Variants in SOS1 observed in about 807,000 individuals in gnomAD.
SOS1 encodes SOS Ras/Rac guanine nucleotide exchange factor 1.
A neutral mutation model predicts 157.6 loss-of-function variants in SOS1; 25 were observed. That is an observed-to-expected ratio of 0.16 (90% CI 0.12 to 0.22). SOS1 has a LOEUF of 0.22. Among genes scored for constraint, SOS1 ranks in the 10% least tolerant of loss-of-function variants. The pLI is 1.00. For missense variants in SOS1, 1,237 were observed against 1,599.1 expected, an observed-to-expected ratio of 0.77 and a Z score of 3.86; for synonymous variants, 528 against 534.0, an observed-to-expected ratio of 0.99 and a Z score of 0.16.
chr2:39,123,987 C>A (rs1488806636), upstream of SOS1, among the ~76,000 whole-genome samples: 2 of 152,192 alleles, frequency 1.3e-5, no homozygotes, highest in Non-Finnish European at 2.9e-5. Flanking sequence ...GCTTGCTTAG[C>A]GGCCAGGGCA....
intron 1 of SOS1, among the ~76,000 whole-genome samples, chr2:39,110,515 T>G (rs1246132164): frequency 6.6e-6 from 1 of 151,654 alleles, no homozygotes; most frequent in African/African-American, 2.4e-5. Flanking sequence ...CTAGGCATAC[T>G]GCCTATGGCA....
intron 1 of SOS1, among the ~76,000 whole-genome samples, chr2:39,117,570 T>C (rs1673700387): frequency 6.6e-6 from 1 of 152,192 alleles, no homozygotes; most frequent in Non-Finnish European, 1.5e-5. Flanking sequence ...TCAATTGCTG[T>C]TAATTCTATG....
At chr2:39,013,768 T>C in intron 12 of SOS1, 99 bp downstream of exon 12, 1 of 1,043,186 alleles carries the variant, frequency 9.6e-7, no homozygotes, top group African/African-American at 1.6e-5. Flanking sequence ...ACTAATTTTA[T>C]TGTCACCCCT....
intron 1 of SOS1, among the ~76,000 whole-genome samples, chr2:39,119,390 A>C (rs571903303): frequency 5.3e-5 from 8 of 152,334 alleles, no homozygotes; most frequent in African/African-American, 1.9e-4. Context: ...GCCTTTGAGA[A>C]ATATCAGACA....
In SOS1 at chr2:39,093,772, A is replaced by G. The variant is rs114174538; in HGVS notation, c.88-26019T>C. 3.6e-3 allele frequency among the ~76,000 whole-genome samples: 554 copies of G among 152,292 alleles called. 5 individuals carry two copies. Among genetic ancestry groups the G allele is most frequent in the African/African-American group, 0.013 (522 of 41,562 alleles). ...TGACTTTTGAATGTGATGGAGTGGC[A>G]ATCATGGAAAGCCAAATGGAAGGCC... On this transcript the variant is annotated intron_variant, in intron 1 of 22. Coordinates refer to ENST00000402219, the MANE Select transcript of SOS1 (RefSeq NM_005633.4).
chr2:39,095,190 T>C (rs1427310948), intron 1 of SOS1, among the ~76,000 whole-genome samples: 5 of 152,190 alleles, frequency 3.3e-5, no homozygotes, highest in Non-Finnish European at 2.9e-5. Flanking sequence ...TGTTTCACAA[T>C]GATCATTTTC....
intron 1 of SOS1, among the ~76,000 whole-genome samples, chr2:39,079,453 T>C (rs1019517411): frequency 1.3e-5 from 2 of 150,844 alleles, no homozygotes; most frequent in Admixed American, 1.3e-4. Flanking sequence ...ATGTAATCAG[T>C]AAGGAAACCA....
chr2:39,098,876 G>A (rs1307906649), intron 1 of SOS1, among the ~76,000 whole-genome samples: 2 of 151,896 alleles, frequency 1.3e-5, no homozygotes, highest in East Asian at 1.9e-4. Flanking sequence ...GCAACAAAGC[G>A]AGACCACACC....
chr2:39,006,645 G>A lies in SOS1; in HGVS notation c.2674-116C>T, dbSNP rs187337572. 8.7e-5 allele frequency: 63 copies of A among 720,962 alleles called. No homozygotes were observed. In the East Asian group the frequency reaches 1.4e-3, roughly 17 times the overall value. The allele number at this position is 720,962 out of a possible 1,614,324, so 44.7% of individuals were successfully genotyped here. A position where few individuals can be genotyped will look rare whatever the true frequency, so the allele number is the denominator to read the frequency against. On this transcript the variant is annotated intron_variant, in intron 16 of 22. Transcript: ENST00000402219. Reference sequence around the variant, plus strand: ...ACAGTATCAATTTGATTTTATGACTGTAACATTGCTTCAAATATTGCTTCA... The same window carrying A: ...ACAGTATCAATTTGATTTTATGACTATAACATTGCTTCAAATATTGCTTCA...
chr2:39,048,845 T>A (rs1243343611), intron 6 of SOS1, among the ~76,000 whole-genome samples: 1 of 152,198 alleles, frequency 6.6e-6, no homozygotes, highest in African/African-American at 2.4e-5. Flanking sequence ...AATTTTCCAT[T>A]TTTATCTTTT....
chr2:39,117,318 C>A (rs927847270), intron 1 of SOS1, among the ~76,000 whole-genome samples: 1 of 152,132 alleles, frequency 6.6e-6, no homozygotes, highest in Non-Finnish European at 1.5e-5. Flanking sequence ...TGAGCCACTG[C>A]GCCCGGCCCT....
At chr2:39,007,227 A>G in intron 15 of SOS1, 34 bp from the exon 16 acceptor site, 1 of 1,354,690 alleles carries the variant, frequency 7.4e-7, no homozygotes, top group Non-Finnish European at 1.1e-6. Context: ...TAAAGGTTTT[A>G]GAGTTTTTCC....
chr2:39,047,923 C>G (rs1179499554), intron 6 of SOS1, among the ~76,000 whole-genome samples: 2 of 152,220 alleles, frequency 1.3e-5, no homozygotes, highest in Non-Finnish European at 2.9e-5. Context: ...TGACCTCAGT[C>G]TCCCAAAGTG....
intron 6 of SOS1, among the ~76,000 whole-genome samples, chr2:39,040,002 C>T (rs1392495908): frequency 6.6e-6 from 1 of 151,902 alleles, no homozygotes; most frequent in Non-Finnish European, 1.5e-5. Context: ...TCAACACCCC[C>T]TTTTATTTTT....
At chr2:38,991,044 G>A (rs944946820) in intron 20 of SOS1, among the ~76,000 whole-genome samples, 2 of 151,926 alleles carry the variant, frequency 1.3e-5, no homozygotes, top group African/African-American at 4.8e-5. Context: ...GAATCCTATG[G>A]GAAGTTTTTA....
chr2:39,062,830 A>G (rs1671456834), intron 2 of SOS1, among the ~76,000 whole-genome samples: 1 of 151,928 alleles, frequency 6.6e-6, no homozygotes, highest in Middle Eastern at 3.2e-3. Context: ...TTTTGCCTCT[A>G]TTTTTTCAAA....
chr2:39,039,571 ATCTTC>A (rs1198320198), intron 6 of SOS1, among the ~76,000 whole-genome samples: 2 of 152,160 alleles, frequency 1.3e-5, no homozygotes, highest in East Asian at 1.9e-4. Flanking sequence ...ATTTATTTGT[ATCTTC>A]TCTTCTGAGA....
chr2:39,014,092 T>A lies in SOS1; in HGVS notation c.1941-103A>T, dbSNP rs1669552112. The A allele has an allele frequency of 6.2e-6, 5 of 801,782 alleles. No individual in the cohort carries two copies. The East Asian group carries it at 1.4e-4, about 22-fold the overall frequency. 49.7% of individuals were successfully genotyped at this position (801,782 alleles called of 1,614,324 possible). ...CCAGTCAGCAAAATCAAGAGAATAC[T>A]GTAAAAAATTACTGAAGATATGCAT... On this transcript the variant is annotated intron_variant, in intron 11 of 22. Coordinates refer to ENST00000402219, the MANE Select transcript of SOS1 (RefSeq NM_005633.4).
intron 1 of SOS1, among the ~76,000 whole-genome samples, chr2:39,107,780 G>A (rs1288495234): frequency 6.6e-6 from 1 of 151,920 alleles, no homozygotes; most frequent in East Asian, 1.9e-4. Context: ...AATTCTGTAG[G>A]TACTAAGAAT....
Sources: allele counts gnomAD v4.1 joint callset (sites outside exome capture counted in the v4.1 genomes callset), GRCh38; gene constraint gnomAD v4.1.1; transcripts MANE v1.5; gene names NCBI Gene and HGNC (gene_info 2026-07-23, HGNC 2026-07-21).